The following TBKBP1 variants were observed in gnomAD, a reference collection of about 807,000 sequenced individuals.
The protein encoded by TBKBP1 is TANK-binding kinase 1-binding protein 1.
A neutral mutation model predicts 69.9 loss-of-function variants in TBKBP1; 47 were observed. That is an observed-to-expected ratio of 0.67 (90% CI 0.53 to 0.86). TBKBP1 has a LOEUF of 0.86. Among genes scored for constraint, TBKBP1 ranks in the 40% least tolerant of loss-of-function variants. TBKBP1 has a pLI of 0.00. For synonymous variants in TBKBP1, 418 were observed against 390.3 expected, an observed-to-expected ratio of 1.07 and a Z score of -0.84; for missense variants, 831 against 858.6, an observed-to-expected ratio of 0.97 and a Z score of 0.40.
intron 6 of TBKBP1, 61 bp from the exon 7 acceptor site, chr17:47,699,575 T>C (rs577464333): frequency 6.2e-7 from 1 of 1,613,902 alleles, no homozygotes; most frequent in Admixed American, 1.7e-5. Flanking sequence ...CCCAGGGAAC[T>C]GTAGACAAGG....
chr17:47,710,551 G>A lies in TBKBP1; in HGVS notation c.1773G>A (p.Leu591=). 2 of 1,612,454 alleles carry A rather than the reference G, an allele frequency of 1.2e-6. No individual in the cohort carries two copies. The highest frequency in any genetic ancestry group is 1.7e-6 in the Non-Finnish European group (2 of 1,179,062). Residue 591 remains leucine (L), a synonymous_variant, in exon 10 of 10, where the codon CTG becomes CTA. Transcript: ENST00000578982. ...SDIRSCPLCQ[L]GFPVGYPDDA... ...TCCGCAGCTGCCCCCTCTGCCAGCTGGGTTTCCCTGTCGGGTACCCGGATG... is the reference window on the plus strand; with the variant it reads ...TCCGCAGCTGCCCCCTCTGCCAGCTAGGTTTCCCTGTCGGGTACCCGGATG...
intron 7 of TBKBP1, among the ~76,000 whole-genome samples, chr17:47,704,885 C>A (rs992682291): frequency 1.3e-5 from 2 of 152,192 alleles, no homozygotes; most frequent in Non-Finnish European, 2.9e-5. Flanking sequence ...GCCCAGGGGG[C>A]CCTCCTTCCT....
intron 7 of TBKBP1, among the ~76,000 whole-genome samples, chr17:47,706,297 G>A (rs1324200030): frequency 1.3e-5 from 2 of 152,142 alleles, no homozygotes; most frequent in African/African-American, 2.4e-5. Flanking sequence ...CAGTCTGATG[G>A]GGGACACACA....
chr17:47,710,677 A>C lies in TBKBP1; in HGVS notation c.*51A>C, dbSNP rs941364239. On this transcript the variant is annotated 3_prime_UTR_variant, in exon 10 of 10. Transcript: ENST00000578982. ...TTCTCCGTCCTCTCCTATCACCCCC[A>C]AACACTCACTTTGAATGCTGCATGA... 3.8e-6 allele frequency: 6 copies of C among 1,569,988 alleles called. No homozygotes were observed. In the African/African-American group the frequency reaches 8.1e-5, roughly 21 times the overall value.
Position 47,696,311 on chromosome 17 carries a change from C to G in TBKBP1, c.199C>G (p.Arg67Gly), listed in dbSNP as rs764036278. The change falls in exon 2 of 10, where the codon CGC becomes GGC. Residue 67 changes from arginine to glycine, a missense_variant. Coordinates refer to ENST00000578982, the MANE Select transcript of TBKBP1 (RefSeq NM_001394755.1). ...GGAGAGGGAGAACGCCACCCTCCGA[C>G]GCCGCCTCAAAGTCTACGAGATCAA... ...GLERENATLRRRLKVYEIKYP... is the reference protein window; with the variant it reads ...GLERENATLRGRLKVYEIKYP... 1.2e-6 allele frequency: 2 copies of G among 1,613,210 alleles called. No homozygotes were observed. Among genetic ancestry groups the G allele is most frequent in the Admixed American group, 1.7e-5 (1 of 60,006 alleles).
At chr17:47,707,703 G>A (rs112737825) in intron 7 of TBKBP1, among the ~76,000 whole-genome samples, 1 of 152,218 alleles carries the variant, frequency 6.6e-6, no homozygotes, top group African/African-American at 2.4e-5. Flanking sequence ...GAGGTCCTGG[G>A]AGGGGCAAAG....
intron 1 of TBKBP1, among the ~76,000 whole-genome samples, chr17:47,694,893 G>GGC (rs1567901590): frequency 6.6e-6 from 1 of 151,174 alleles, no homozygotes; most frequent in East Asian, 2.0e-4. Context: ...GGCGGAGGGG[G>GGC]GGGGGTGGAT....
intron 7 of TBKBP1, among the ~76,000 whole-genome samples, chr17:47,707,617 C>T (rs1036370041): frequency 2.6e-5 from 4 of 152,218 alleles, no homozygotes; most frequent in African/African-American, 9.7e-5. Context: ...GACTGGCACT[C>T]ACTGCAAGTG....
chr17:47,705,370 G>C (rs189646577), intron 7 of TBKBP1, among the ~76,000 whole-genome samples: 9 of 152,354 alleles, frequency 5.9e-5, no homozygotes, highest in Admixed American at 5.9e-4. Flanking sequence ...AATGCCGTAG[G>C]GTTGTTGTGG....
At chr17:47,696,415 G>A (rs2031246144) in intron 2 of TBKBP1, 78 bp downstream of exon 2, 1 of 1,494,554 alleles carries the variant, frequency 6.7e-7, no homozygotes, top group Non-Finnish European at 9.1e-7. Flanking sequence ...AGATACCAGG[G>A]ATCCAAAAGA....
intron 7 of TBKBP1, among the ~76,000 whole-genome samples, chr17:47,707,508 C>A (rs1374949318): frequency 3.9e-5 from 6 of 152,210 alleles, no homozygotes; most frequent in Admixed American, 3.9e-4. Context: ...AGGCCCTGGA[C>A]AAGGTGGTGG....
At chr17:47,701,319 C>G (rs2031492429) in intron 7 of TBKBP1, among the ~76,000 whole-genome samples, 1 of 151,736 alleles carries the variant, frequency 6.6e-6, no homozygotes. Context: ...CATCATAGCC[C>G]ATGTGCCCAG....
chr17:47,709,823 G>A (rs1052703316), intron 9 of TBKBP1, among the ~76,000 whole-genome samples: 1 of 152,230 alleles, frequency 6.6e-6, no homozygotes, highest in East Asian at 1.9e-4. Context: ...AATGATTATA[G>A]TATCTGACTA....
In TBKBP1 at chr17:47,711,659, C is replaced by G. The variant is rs772259095; in HGVS notation, c.*1033C>G. The G allele has an allele frequency of 2.0e-5, 3 of 152,690 alleles. No homozygotes were observed. The highest frequency in any genetic ancestry group is 2.9e-5 in the Non-Finnish European group (2 of 68,112). 9.5% of individuals were successfully genotyped at this position (152,690 alleles called of 1,614,324 possible). On this transcript the variant is annotated 3_prime_UTR_variant, in exon 10 of 10. Coordinates refer to ENST00000578982, the MANE Select transcript of TBKBP1 (RefSeq NM_001394755.1). ...CTGTGAAATCTACCTCAGAGTTGTA[C>G]CCTCAGAAGGACGGGTAAGCAGGAG...
At position 47,708,727 on chromosome 17, in the gene TBKBP1, C is replaced by T; in HGVS notation, c.994C>T (p.Gln332Ter). 1 of 1,491,932 alleles carries T rather than the reference C, an allele frequency of 6.7e-7. No individual in the cohort carries two copies. The highest frequency in any genetic ancestry group is 8.9e-7 in the Non-Finnish European group (1 of 1,125,692). 92.4% of individuals were successfully genotyped at this position (1,491,932 alleles called of 1,614,324 possible). ...LLQEQARSGGQRHSPLSQRHS... is the reference protein window; with the variant it reads ...LLQEQARSGG The stretch of plus-strand genomic sequence containing the variant: ...CCCCGTCCCGGTTTCTCTTCCAGGC[C>T]AGAGGCACTCGCCGCTGTCACAACG... Residue 332 changes from glutamine to a stop codon, truncating the protein, a stop_gained and splice_region_variant, in exon 9 of 10, where the codon CAG (glutamine) becomes TAG (stop). Transcript: ENST00000578982. LOFTEE classifies it high-confidence loss of function. This position sits in a 1 kb window ranked among gnomAD's most constrained non-coding sequence, Gnocchi z 4.4.
At chr17:47,697,990 C>T (rs969358520) in intron 4 of TBKBP1, among the ~76,000 whole-genome samples, 1 of 149,474 alleles carries the variant, frequency 6.7e-6, no homozygotes, top group Non-Finnish European at 1.5e-5. Context: ...GAGACATGGT[C>T]TCAGCCAACC....
In TBKBP1 at chr17:47,709,305, C is replaced by T. The variant is rs767654606; in HGVS notation, c.1572C>T (p.Asp524=). The change falls in exon 9 of 10, where the codon GAC becomes GAT. Residue 524 remains aspartate (D), a synonymous_variant. Coordinates refer to ENST00000578982, the MANE Select transcript of TBKBP1 (RefSeq NM_001394755.1). ...LRFEKQPSEE[D]EWAVPTSPPS... ...TCGAGAAGCAGCCGTCGGAGGAGGA[C>T]GAGTGGGCTGTGCCCACCAGCCCGC... 1.2e-5 allele frequency: 18 copies of T among 1,529,578 alleles called. No individual in the cohort carries two copies. In the Admixed American group the frequency reaches 1.6e-4, roughly 13 times the overall value. The allele number at this position is 1,529,578 out of a possible 1,614,324, so 94.8% of individuals were successfully genotyped here. A position where few individuals can be genotyped will look rare whatever the true frequency, so the allele number is the denominator to read the frequency against.
chr17:47,706,828 GACACAC>G lies in TBKBP1; in HGVS notation c.873-1529_873-1524del, dbSNP rs55849029. The stretch of plus-strand genomic sequence containing the variant: ...CTCCTCTCCTTTAGGGTTAGACTTA[GACACAC>G]ACACACACACACACACACACACACA... On this transcript the variant is annotated intron_variant, in intron 7 of 9. Coordinates refer to ENST00000578982, the MANE Select transcript of TBKBP1 (RefSeq NM_001394755.1). 2.0e-3 allele frequency among the ~76,000 whole-genome samples: 274 copies of G among 134,220 alleles called. 1 individual carries two copies. The highest frequency in any genetic ancestry group is 5.8e-3 in the Admixed American group (78 of 13,454). 88.1% of individuals were successfully genotyped at this position (134,220 alleles called of 152,430 possible). A position where few individuals can be genotyped will look rare whatever the true frequency, so the allele number is the denominator to read the frequency against.
chr17:47,708,972 C>T lies in TBKBP1; in HGVS notation c.1239C>T (p.Arg413=). The T allele has an allele frequency of 8.8e-7, 1 of 1,138,122 alleles. No homozygotes were observed. Among genetic ancestry groups the T allele is most frequent in the Admixed American group, 5.2e-5 (1 of 19,392 alleles). The allele number at this position is 1,138,122 out of a possible 1,614,324, so 70.5% of individuals were successfully genotyped here. A position where few individuals can be genotyped will look rare whatever the true frequency, so the allele number is the denominator to read the frequency against. The change falls in exon 9 of 10, where the codon CGC becomes CGT. Residue 413 remains arginine (R), a synonymous_variant. Coordinates refer to ENST00000578982, the MANE Select transcript of TBKBP1 (RefSeq NM_001394755.1). The surrounding 1 kb of genome is among the most constrained non-coding windows in gnomAD (Gnocchi z 4.4). ...PPSCQSPSPQ[R]RSPVPPSCPA... is the part of the protein sequence containing the mutation. Reference sequence around the variant, plus strand: ...CGTGCCAGTCCCCCAGCCCGCAGCGCCGTTCCCCGGTGCCCCCCAGCTGCC... The same window carrying T: ...CGTGCCAGTCCCCCAGCCCGCAGCGTCGTTCCCCGGTGCCCCCCAGCTGCC...
Sources: allele counts gnomAD v4.1 joint callset (sites outside exome capture counted in the v4.1 genomes callset), GRCh38; gene constraint gnomAD v4.1.1; non-coding constraint Gnocchi (gnomAD v3.1); transcripts MANE v1.5; gene names NCBI Gene and HGNC (gene_info 2026-07-23, HGNC 2026-07-21).